Variants in NEK10 observed in about 807,000 individuals in gnomAD.
The protein encoded by NEK10 is serine/threonine-protein kinase Nek10.
Under a neutral mutation model 159.8 loss-of-function variants are expected in NEK10, and 122 were observed. The observed-to-expected ratio is 0.76, with a 90% confidence interval of 0.66 to 0.89. The LOEUF (loss-of-function observed/expected upper bound fraction) is 0.89. Among genes scored for constraint, NEK10 ranks in the 40% least tolerant of loss-of-function variants. The probability of loss-of-function intolerance (pLI) is 0.00; values close to 1 mark genes in which losing one functional copy is unlikely to be tolerated. For missense variants in NEK10, 1,342 were observed against 1,323.1 expected (o/e 1.01, Z -0.22); for synonymous variants, 466 against 457.1 (o/e 1.02, Z -0.25).
chr3:27,202,655 C>G, intron 23 of NEK10, 98 bp from the exon 24 acceptor site: 7 of 1,345,258 alleles, frequency 5.2e-6, no homozygotes, highest in Non-Finnish European at 6.8e-6. Context: ...TTTTAAGTAT[C>G]TGAAATGTTT....
At chr3:27,221,106 A>G (rs1289325454) in intron 23 of NEK10, among the ~76,000 whole-genome samples, 6 of 152,196 alleles carry the variant, frequency 3.9e-5, no homozygotes, top group African/African-American at 7.2e-5. Context: ...GTGATTTTGG[A>G]TTACACAATG....
chr3:27,167,740 G>A (rs1267476709), intron 29 of NEK10, among the ~76,000 whole-genome samples: 1 of 152,062 alleles, frequency 6.6e-6, no homozygotes, highest in Non-Finnish European at 1.5e-5. Context: ...AAGAAATTGG[G>A]GCTTATTCCT....
intron 25 of NEK10, among the ~76,000 whole-genome samples, chr3:27,192,457 C>T (rs1373238099): frequency 6.6e-6 from 1 of 152,160 alleles, no homozygotes; most frequent in Non-Finnish European, 1.5e-5. Flanking sequence ...GCGTTATTCT[C>T]TTTGCACTTG....
chr3:27,291,602 C>T lies in NEK10; in HGVS notation c.1374-16G>A, dbSNP rs535835667. 14 of 1,365,984 alleles carry T rather than the reference C, an allele frequency of 1.0e-5. No individual in the cohort carries two copies. Among genetic ancestry groups the T allele is most frequent in the African/African-American group, 1.4e-5 (1 of 70,222 alleles). The allele number at this position is 1,365,984 out of a possible 1,614,324, so 84.6% of individuals were successfully genotyped here. A position where few individuals can be genotyped will look rare whatever the true frequency, so the allele number is the denominator to read the frequency against. ...GGGGAAAAGTCTACAGAGAATATTA[C>T]ACACACTTAAAGTAGAACTTGGACA... On this transcript the variant is annotated splice_polypyrimidine_tract_variant and intron_variant, in intron 16 of 35. Coordinates refer to ENST00000691995, the MANE Select transcript of NEK10 (RefSeq NM_001394966.1).
chr3:27,277,990 C>A (rs954993792), intron 22 of NEK10, among the ~76,000 whole-genome samples: 2 of 152,112 alleles, frequency 1.3e-5, no homozygotes, highest in African/African-American at 2.4e-5. Flanking sequence ...CAGAGGCAGA[C>A]AAAATTTTCT....
intron 30 of NEK10, among the ~76,000 whole-genome samples, 161 bp from the exon 31 acceptor site, chr3:27,141,743 G>A (rs1360604575): frequency 2.6e-5 from 4 of 152,084 alleles, no homozygotes; most frequent in Non-Finnish European, 4.4e-5. Flanking sequence ...TTATGACATG[G>A]AATAAAAAAT....
intron 26 of NEK10, among the ~76,000 whole-genome samples, chr3:27,189,807 C>T (rs73036973): frequency 0.043 from 6,576 of 151,974 alleles, 210 homozygotes; most frequent in Middle Eastern, 0.065. Flanking sequence ...TAAAATAGTG[C>T]GAAAGGAGAA....
At chr3:27,256,968 T>G (rs1450113371) in intron 22 of NEK10, among the ~76,000 whole-genome samples, 4 of 147,218 alleles carry the variant, frequency 2.7e-5, no homozygotes, top group African/African-American at 7.7e-5. Context: ...CAGGTTGGAG[T>G]GCAGTGGTGC....
At chr3:27,258,391 C>G (rs1339635404) in intron 22 of NEK10, among the ~76,000 whole-genome samples, 1 of 137,234 alleles carries the variant, frequency 7.3e-6, no homozygotes, top group Non-Finnish European at 1.5e-5. Flanking sequence ...CCACAACAGG[C>G]CCTGGTGTGT....
chr3:27,262,091 T>A (rs1232405826), intron 22 of NEK10, among the ~76,000 whole-genome samples: 2 of 152,092 alleles, frequency 1.3e-5, no homozygotes, highest in Admixed American at 1.3e-4. Context: ...TCTTCCTCCA[T>A]CCCTTTATTT....
intron 23 of NEK10, among the ~76,000 whole-genome samples, chr3:27,253,904 T>A (rs893192482): frequency 3.9e-5 from 6 of 152,164 alleles, no homozygotes; most frequent in Admixed American, 3.9e-4. Flanking sequence ...GTCTATGGCA[T>A]CATACCTCAA....
chr3:27,351,585 C>T (rs1050577758), intron 3 of NEK10, among the ~76,000 whole-genome samples: 4 of 152,058 alleles, frequency 2.6e-5, no homozygotes, highest in African/African-American at 9.7e-5. Flanking sequence ...CATTATTTGG[C>T]TTTTACATGC....
At chr3:27,119,956 T>G in intron 32 of NEK10, 88 bp from the exon 33 acceptor site, 1 of 904,778 alleles carries the variant, frequency 1.1e-6, no homozygotes, top group South Asian at 1.4e-5. Flanking sequence ...CATTTCCCTA[T>G]GTCTCTGCAC....
intron 22 of NEK10, among the ~76,000 whole-genome samples, chr3:27,260,666 T>C (rs886720785): frequency 1.8e-4 from 28 of 152,304 alleles, no homozygotes; most frequent in Non-Finnish European, 4.0e-4. Context: ...ATCAGGGATA[T>C]TGGTCTAAAA....
At chr3:27,338,386 G>A (rs563359279) in intron 5 of NEK10, among the ~76,000 whole-genome samples, 8 of 152,240 alleles carry the variant, frequency 5.3e-5, no homozygotes, top group Middle Eastern at 3.4e-3. Flanking sequence ...GAATAGTGCC[G>A]CAATAAACAT....
At chr3:27,171,957 C>A in intron 28 of NEK10, 84 bp from the exon 29 acceptor site, 2 of 1,371,538 alleles carry the variant, frequency 1.5e-6, no homozygotes, top group Non-Finnish European at 2.0e-6. Context: ...CAATACTGAA[C>A]AACAAATACT....
chr3:27,248,415 C>A (rs1955312603), intron 23 of NEK10, among the ~76,000 whole-genome samples: 1 of 151,922 alleles, frequency 6.6e-6, no homozygotes, highest in Non-Finnish European at 1.5e-5. Context: ...GTTTCATTTG[C>A]TTTGGCTTCT....
intron 31 of NEK10, among the ~76,000 whole-genome samples, chr3:27,138,615 T>C (rs942784452): frequency 6.6e-6 from 1 of 152,242 alleles, no homozygotes; most frequent in African/African-American, 2.4e-5. Flanking sequence ...AACTATGGTA[T>C]GGTTTCTGAC....
intron 4 of NEK10, among the ~76,000 whole-genome samples, chr3:27,344,928 T>G (rs1243152459): frequency 6.6e-6 from 1 of 152,202 alleles, no homozygotes; most frequent in Non-Finnish European, 1.5e-5. Context: ...GTTTTGTGTG[T>G]GTGTTTAAAA....
Sources: gnomAD v4.1 joint callset for allele counts (sites outside exome capture counted in the v4.1 genomes callset) on GRCh38, gnomAD v4.1.1 for gene constraint, MANE v1.5 for transcripts, NCBI Gene and HGNC (gene_info 2026-07-23, HGNC 2026-07-21) for gene names.